EFL1: variants seen among roughly 807,000 people sequenced by gnomAD.
The protein encoded by EFL1 is elongation factor-like GTPase 1.
A neutral mutation model predicts 126.7 loss-of-function variants in EFL1; 76 were observed. That is an observed-to-expected ratio of 0.60 (90% CI 0.50 to 0.73). The LOEUF is 0.73. EFL1 is among the 30% of genes least tolerant of loss of function. The pLI is 0.00. For synonymous variants in EFL1, 410 were observed against 448.4 expected, an observed-to-expected ratio of 0.91 and a Z score of 1.08; for missense variants, 1,128 against 1,343.2, an observed-to-expected ratio of 0.84 and a Z score of 2.50.
intron 15 of EFL1, among the ~76,000 whole-genome samples, chr15:82,206,134 A>G (rs374270502): frequency 1.1e-4 from 17 of 152,234 alleles, no homozygotes; most frequent in African/African-American, 4.1e-4. Context: ...TAAAGAGAAT[A>G]TAGCATATCA....
At chr15:82,259,019 A>G in intron 3 of EFL1, 69 bp downstream of exon 3, 1 of 1,385,232 alleles carries the variant, frequency 7.2e-7, no homozygotes, top group Non-Finnish European at 1.0e-6. Context: ...AAGAACACAG[A>G]AAATGGTTCA....
At chr15:82,218,555 G>GA (rs2074675160) in intron 14 of EFL1, among the ~76,000 whole-genome samples, 1 of 152,054 alleles carries the variant, frequency 6.6e-6, no homozygotes, top group Non-Finnish European at 1.5e-5. Context: ...CACAAAAAAG[G>GA]AAAAAATTAA....
At chr15:82,246,601 C>G (rs2074975267) in intron 4 of EFL1, among the ~76,000 whole-genome samples, 2 of 151,940 alleles carry the variant, frequency 1.3e-5, no homozygotes, top group Non-Finnish European at 2.9e-5. Flanking sequence ...AAGACTTGAG[C>G]ATGCTTAAAA....
chr15:82,196,853 G>C (rs1034246405), intron 15 of EFL1, among the ~76,000 whole-genome samples: 4 of 152,148 alleles, frequency 2.6e-5, no homozygotes, highest in Admixed American at 2.0e-4. Flanking sequence ...CCAACATAGT[G>C]AAACCCTGTC....
In EFL1 at chr15:82,210,624, G is replaced by A. The variant is rs1289035796; in HGVS notation, c.1750+4093C>T. 5.9e-5 allele frequency among the ~76,000 whole-genome samples: 9 copies of A among 152,076 alleles called. No individual in the cohort carries two copies. In the East Asian group the frequency reaches 1.2e-3, roughly 20 times the overall value. ...TGCCTGTAATCCCAGCACTTTGAGG[G>A]GCAGAAGCAGGCAAATCACCTGAGG... On this transcript the variant is annotated intron_variant, in intron 15 of 19. Transcript: ENST00000268206.
chr15:82,249,243 G>A (rs542091622), intron 4 of EFL1, among the ~76,000 whole-genome samples: 2 of 151,926 alleles, frequency 1.3e-5, no homozygotes, highest in Admixed American at 1.3e-4. Flanking sequence ...GTTGAGACCA[G>A]TCTGGGCAAC....
Position 82,217,084 on chromosome 15 carries a change from T to C in EFL1, c.1612-2229A>G, listed in dbSNP as rs76706518. ...ACCAATAAACACATTAAAAGAGTTA[T>C]AAAGAAAATGTAAACTAAAACTGCA... is the stretch of plus-strand genomic sequence containing the variant. On this transcript the variant is annotated intron_variant, in intron 14 of 19. Coordinates refer to ENST00000268206, the MANE Select transcript of EFL1 (RefSeq NM_024580.6). 3.1e-3 allele frequency among the ~76,000 whole-genome samples: 466 copies of C among 152,020 alleles called. 4 individuals carry two copies. Among genetic ancestry groups the C allele is most frequent in the African/African-American group, 0.01 (433 of 41,498 alleles).
At chr15:82,132,579 A>G (rs541810203) in intron 19 of EFL1, among the ~76,000 whole-genome samples, 31 of 151,112 alleles carry the variant, frequency 2.1e-4, no homozygotes, top group South Asian at 1.9e-3. Context: ...CACTAGAGTA[A>G]TAACTCTGGT....
intron 3 of EFL1, among the ~76,000 whole-genome samples, chr15:82,254,209 G>T (rs185679922): frequency 6.6e-6 from 1 of 152,254 alleles, no homozygotes; most frequent in East Asian, 1.9e-4. Flanking sequence ...CCCTTTGTGT[G>T]CATGTGTGTT....
intron 16 of EFL1, 112 bp downstream of exon 16, chr15:82,163,741 T>G (rs901124530): frequency 3.0e-6 from 4 of 1,324,010 alleles, no homozygotes; most frequent in Admixed American, 5.3e-5. Flanking sequence ...TAGACCTCAA[T>G]GAAAATTCAT....
At position 82,240,458 on chromosome 15, in the gene EFL1, G is replaced by T. The variant is rs774611004; in HGVS notation, c.476C>A (p.Pro159Gln). 5.0e-6 allele frequency: 8 copies of T among 1,612,832 alleles called. No individual in the cohort carries two copies. Among genetic ancestry groups the T allele is most frequent in the Non-Finnish European group, 6.8e-6 (8 of 1,179,448 alleles). ...CTTGAGGTGAGAATAGGCCTCTTGT[G>T]GGGTGAATTTCAGTTCCACTATCAA... ...DRLIVELKFT[P>Q]QEAYSHLKNI... The change falls in exon 6 of 20, where the codon CCA becomes CAA. Residue 159 changes from proline to glutamine, a missense_variant. Physicochemically the swap from Pro to Gln is moderately conservative, Grantham distance 76. This residue lies in a region of EFL1 where 316 missense variants were observed against 318.5 expected (regional missense o/e 0.99). Coordinates refer to ENST00000268206, the MANE Select transcript of EFL1 (RefSeq NM_024580.6).
At chr15:82,133,848 G>A (rs1408104649) in intron 19 of EFL1, among the ~76,000 whole-genome samples, 1 of 152,178 alleles carries the variant, frequency 6.6e-6, no homozygotes, top group Non-Finnish European at 1.5e-5. Context: ...CAGAGAGACT[G>A]CAATGAGCGA....
intron 16 of EFL1, 63 bp from the exon 17 acceptor site, chr15:82,157,923 G>A: frequency 1.3e-6 from 2 of 1,490,942 alleles, no homozygotes; most frequent in Non-Finnish European, 1.8e-6. Flanking sequence ...CAAAGACAAT[G>A]GCTCTGGCTA....
intron 15 of EFL1, among the ~76,000 whole-genome samples, chr15:82,212,302 T>C (rs2651686): frequency 1.3e-5 from 2 of 152,364 alleles, no homozygotes; most frequent in East Asian, 1.9e-4. Context: ...ATAGTCTTCT[T>C]ATAAAAAATT....
At chr15:82,258,032 C>G (rs1052271173) in intron 3 of EFL1, among the ~76,000 whole-genome samples, 7 of 152,216 alleles carry the variant, frequency 4.6e-5, no homozygotes, top group African/African-American at 1.7e-4. Flanking sequence ...TCCCAACCCA[C>G]ACATCAATTC....
intron 6 of EFL1, among the ~76,000 whole-genome samples, chr15:82,239,432 G>C (rs1352165170): frequency 6.6e-6 from 1 of 152,092 alleles, no homozygotes. Context: ...CAGCTCGCCC[G>C]GCCTACCTCT....
intron 14 of EFL1, among the ~76,000 whole-genome samples, chr15:82,218,233 A>T (rs1393904733): frequency 2.6e-5 from 4 of 152,202 alleles, no homozygotes; most frequent in Non-Finnish European, 5.9e-5. Context: ...AATATGCAGT[A>T]GCAGAAAACT....
intron 15 of EFL1, among the ~76,000 whole-genome samples, chr15:82,213,225 A>T (rs1034161694): frequency 3.4e-4 from 52 of 152,322 alleles, no homozygotes; most frequent in African/African-American, 1.2e-3. Context: ...TATATAAGTA[A>T]ATTTGGTAAA....
intron 17 of EFL1, 139 bp from the exon 18 acceptor site, chr15:82,152,562 T>G (rs2073924937): frequency 2.6e-6 from 2 of 779,280 alleles, no homozygotes; most frequent in African/African-American, 3.5e-5. Context: ...AGATCTGCAA[T>G]TTACATTATA....
Sources: allele counts gnomAD v4.1 joint callset (sites outside exome capture counted in the v4.1 genomes callset), GRCh38; gene constraint gnomAD v4.1.1; regional missense constraint gnomAD v4.1.1; transcripts MANE v1.5; gene names NCBI Gene and HGNC (gene_info 2026-07-23, HGNC 2026-07-21).